STON2: variants seen among roughly 807,000 people sequenced by gnomAD.
STON2 encodes stonin 2.
A neutral mutation model predicts 65.7 loss-of-function variants in STON2; 29 were observed. That is an observed-to-expected ratio of 0.44 (90% confidence interval 0.33 to 0.60). The LOEUF is 0.60. Ranked by LOEUF, STON2 falls within the 20% of genes least tolerant of loss-of-function variation. The pLI is 0.03. For synonymous variants in STON2, 404 were observed against 414.2 expected (o/e 0.98, Z 0.30); for missense variants, 1,054 against 1,118.1 (o/e 0.94, Z 0.82).
chr14:81,303,415 C>T (rs138500022), intron 5 of STON2, among the ~76,000 whole-genome samples: 50 of 152,232 alleles, frequency 3.3e-4, no homozygotes, highest in Middle Eastern at 3.4e-3. Context: ...AAAAGGAAAC[C>T]AACAGTGGTG....
chr14:81,317,731 G>A (rs570952884), intron 5 of STON2, among the ~76,000 whole-genome samples: 13 of 152,230 alleles, frequency 8.5e-5, no homozygotes, highest in African/African-American at 2.9e-4. Context: ...TGAGAAAAAC[G>A]GGATGACAAT....
intron 5 of STON2, among the ~76,000 whole-genome samples, chr14:81,302,462 T>C (rs1185415394): frequency 6.6e-6 from 1 of 152,256 alleles, no homozygotes; most frequent in East Asian, 1.9e-4. Context: ...TGCTTCTGAA[T>C]GTTAAAGCAT....
chr14:81,316,260 A>C (rs907827955), intron 5 of STON2, among the ~76,000 whole-genome samples: 1 of 152,214 alleles, frequency 6.6e-6, no homozygotes, highest in Non-Finnish European at 1.5e-5. Context: ...AGACTTTGTG[A>C]GAACTTCTAA....
chr14:81,265,474 G>A lies in STON2; in HGVS notation c.*2940C>T, dbSNP rs1894319638. ...ATTCGAGACCAGCCTGGCCAACATGGTGAAACCCCATCTCTACTAAAAATA... is the reference window on the plus strand; with the variant it reads ...ATTCGAGACCAGCCTGGCCAACATGATGAAACCCCATCTCTACTAAAAATA... On this transcript the variant is annotated 3_prime_UTR_variant, in exon 8 of 8. Coordinates refer to ENST00000614646, the MANE Select transcript of STON2 (RefSeq NM_001394390.1). 6.8e-6 allele frequency: 3 copies of A among 441,682 alleles called. No homozygotes were observed. The Admixed American group carries it at 1.9e-4, about 28-fold the overall frequency. The allele number at this position is 441,682 out of a possible 1,614,324, so 27.4% of individuals were successfully genotyped here. A position where few individuals can be genotyped will look rare whatever the true frequency, so the allele number is the denominator to read the frequency against.
intron 4 of STON2, among the ~76,000 whole-genome samples, chr14:81,359,670 G>A (rs535531753): frequency 1.7e-4 from 26 of 152,148 alleles, no homozygotes; most frequent in South Asian, 6.2e-4. Flanking sequence ...AATAAAATGA[G>A]AAATGAAAGG....
At chr14:81,397,874 G>A (rs1345030525) in intron 2 of STON2, among the ~76,000 whole-genome samples, 1 of 152,134 alleles carries the variant, frequency 6.6e-6, no homozygotes, top group Non-Finnish European at 1.5e-5. Context: ...AGCTATGCAT[G>A]GAGAGGTTAA....
chr14:81,344,800 G>A (rs765126570), intron 4 of STON2, among the ~76,000 whole-genome samples: 3 of 152,086 alleles, frequency 2.0e-5, no homozygotes, highest in Non-Finnish European at 4.4e-5. Flanking sequence ...AGACATTACC[G>A]TTTAATCCAC....
intron 3 of STON2, among the ~76,000 whole-genome samples, chr14:81,381,737 GA>G (rs985403239): frequency 2.0e-5 from 3 of 152,110 alleles, no homozygotes; most frequent in Non-Finnish European, 4.4e-5. Flanking sequence ...ATAGTAACTA[GA>G]AACCACTTTA....
At chr14:81,397,941 C>A (rs1900406603) in intron 2 of STON2, among the ~76,000 whole-genome samples, 1 of 152,130 alleles carries the variant, frequency 6.6e-6, no homozygotes, top group African/African-American at 2.4e-5. Context: ...GGATTTGAAC[C>A]CAAGCACTCT....
At chr14:81,341,053 T>G (rs1163614206) in intron 4 of STON2, among the ~76,000 whole-genome samples, 1 of 152,226 alleles carries the variant, frequency 6.6e-6, no homozygotes, top group Non-Finnish European at 1.5e-5. Context: ...GACATTTTTC[T>G]GCTTACCTCA....
intron 2 of STON2, chr14:81,413,331 G>C: frequency 9.5e-7 from 1 of 1,053,124 alleles, no homozygotes; most frequent in Non-Finnish European, 1.3e-6. Context: ...TTTCAGCCTT[G>C]CTAAGGGAAC....
chr14:81,397,835 A>G (rs2140442323), intron 2 of STON2, among the ~76,000 whole-genome samples: 1 of 152,266 alleles, frequency 6.6e-6, no homozygotes, highest in Non-Finnish European at 1.5e-5. Context: ...TGAGATAGGT[A>G]CTGATTATCC....
At chr14:81,303,140 A>G (rs2140188427) in intron 5 of STON2, among the ~76,000 whole-genome samples, 1 of 152,048 alleles carries the variant, frequency 6.6e-6, no homozygotes, top group Middle Eastern at 3.4e-3. Flanking sequence ...GTATTGGGTG[A>G]GCAGAGGATA....
rs146330940 is a variant in STON2 at position 81,312,437 on chromosome 14, A to T, written c.742+11580T>A. On this transcript the variant is annotated intron_variant, in intron 5 of 7. Transcript: ENST00000614646. Reference sequence around the variant, plus strand: ...CGCAAAGAGGCTACTTCACTTCTTGAAGGTGGAGAGCTTATGCTTTCTACT... The same window carrying T: ...CGCAAAGAGGCTACTTCACTTCTTGTAGGTGGAGAGCTTATGCTTTCTACT... Among the ~76,000 whole-genome samples, 68 of 152,322 alleles carry T rather than the reference A, an allele frequency of 4.5e-4. No individual in the cohort carries two copies. In the East Asian group the frequency reaches 0.013, roughly 28 times the overall value.
chr14:81,390,520 C>T (rs1334497329), intron 3 of STON2, among the ~76,000 whole-genome samples: 2 of 152,142 alleles, frequency 1.3e-5, no homozygotes, highest in Admixed American at 6.5e-5. Context: ...GCTGGGATCG[C>T]GCCACTGCAC....
intron 6 of STON2, among the ~76,000 whole-genome samples, chr14:81,275,205 T>C (rs1296752438): frequency 6.6e-6 from 1 of 152,276 alleles, no homozygotes; most frequent in Non-Finnish European, 1.5e-5. Context: ...TTGAAACAAA[T>C]AGATACGTTT....
intron 5 of STON2, among the ~76,000 whole-genome samples, chr14:81,285,384 G>A (rs1895292925): frequency 6.6e-6 from 1 of 152,182 alleles, no homozygotes; most frequent in Non-Finnish European, 1.5e-5. Context: ...CTTCAGTGGA[G>A]GAAATAACTG....
chr14:81,325,406 G>C (rs933156220), intron 4 of STON2, among the ~76,000 whole-genome samples: 13 of 151,680 alleles, frequency 8.6e-5, no homozygotes, highest in Admixed American at 2.0e-4. Flanking sequence ...CTGAATTTGG[G>C]AAACAGTATT....
chr14:81,435,198 GT>G (rs576174678), intron 1 of STON2, among the ~76,000 whole-genome samples: 8 of 152,094 alleles, frequency 5.3e-5, no homozygotes, highest in Non-Finnish European at 1.0e-4. Context: ...CAATGGATCG[GT>G]TTTTTACCGC....
Sources: gnomAD v4.1 joint callset for allele counts (sites outside exome capture counted in the v4.1 genomes callset) on GRCh38, gnomAD v4.1.1 for gene constraint, MANE v1.5 for transcripts, NCBI Gene and HGNC (gene_info 2026-07-23, HGNC 2026-07-21) for gene names.